The following DPYD variants were observed in gnomAD, a reference collection of about 807,000 sequenced individuals.
The protein encoded by DPYD is dihydropyrimidine dehydrogenase, also known as dihydropyrimidine dehydrogenase [NADP(+)].
In DPYD, 109 loss-of-function variants were observed where a neutral mutation model predicts 116.2. That is an observed-to-expected ratio of 0.94 (90% CI 0.80 to 1.10). The LOEUF (loss-of-function observed/expected upper bound fraction) is 1.10. Ranked by LOEUF, DPYD falls within the 50% of genes least tolerant of loss-of-function variation. The pLI is 0.00. For synonymous variants in DPYD, 440 were observed against 432.0 expected (o/e 1.02, Z -0.23); for missense variants, 1,302 against 1,254.5 (o/e 1.04, Z -0.57).
chr1:97,919,208 T>G (rs540963314), intron 1 of DPYD, among the ~76,000 whole-genome samples: 1 of 152,364 alleles, frequency 6.6e-6, no homozygotes, highest in South Asian at 2.1e-4. Context: ...ATTAAAGTGT[T>G]GCACATATGA....
rs756140690 is a variant in DPYD at position 97,920,873 on chromosome 1, GA to G, written c.39+10del. On this transcript the variant is annotated intron_variant, in intron 1 of 22. Transcript: ENST00000370192. ...CCCGCCACCACCGACGAGCCGGCGC[GA>G]AGTCCGTACCTCGATGTCCGCCGAG... 3.1e-6 allele frequency: 5 copies of G among 1,590,928 alleles called. No homozygotes were observed. In the Admixed American group the frequency reaches 8.6e-5, roughly 28 times the overall value.
At chr1:97,737,951 G>C (rs1664054476) in intron 4 of DPYD, among the ~76,000 whole-genome samples, 2 of 151,998 alleles carry the variant, frequency 1.3e-5, no homozygotes, top group Non-Finnish European at 2.9e-5. Flanking sequence ...AATTTAGTCA[G>C]CTTTTCTGTA....
At position 97,573,799 on chromosome 1, in the gene DPYD, C is replaced by G. The variant is rs748620513; in HGVS notation, c.1300G>C (p.Val434Leu). ...DQMVHLKADV[V>L]ISAFGSVLSD... is the part of the protein sequence containing the mutation. ...AGAACTGAACCAAAGGCACTGATGA[C>G]CACATCGGCTTTCAGATGGACCATC... Residue 434 changes from valine (V) to leucine (L), a missense_variant, in exon 11 of 23, where the codon GTC becomes CTC. Val to Leu is a conservative substitution (Grantham distance 32). Coordinates refer to ENST00000370192, the MANE Select transcript of DPYD (RefSeq NM_000110.4). 5.6e-6 allele frequency: 9 copies of G among 1,613,622 alleles called. No individual in the cohort carries two copies. The East Asian group carries it at 2.0e-4, about 36-fold the overall frequency.
At chr1:97,110,787 A>G (rs1220128041) in intron 20 of DPYD, among the ~76,000 whole-genome samples, 1 of 152,090 alleles carries the variant, frequency 6.6e-6, no homozygotes, top group African/African-American at 2.4e-5. Context: ...TTTATTGTGC[A>G]AATCCTGTGG....
intron 18 of DPYD, among the ~76,000 whole-genome samples, chr1:97,296,616 A>C (rs1666546826): frequency 6.6e-6 from 1 of 152,158 alleles, no homozygotes; most frequent in Non-Finnish European, 1.5e-5. Context: ...TATAAATTAT[A>C]AATTCTAACA....
intron 4 of DPYD, among the ~76,000 whole-genome samples, chr1:97,726,231 A>T (rs965017529): frequency 6.6e-6 from 1 of 151,594 alleles, no homozygotes; most frequent in South Asian, 2.1e-4. Flanking sequence ...TAAATACAGA[A>T]GTGAGCCAAT....
intron 3 of DPYD, among the ~76,000 whole-genome samples, chr1:97,769,977 T>C (rs1159082290): frequency 6.6e-6 from 1 of 152,094 alleles, no homozygotes; most frequent in African/African-American, 2.4e-5. Flanking sequence ...TTAGATTAGG[T>C]AGTGAGGCTT....
chr1:97,769,930 A>G (rs2101156163), intron 3 of DPYD, among the ~76,000 whole-genome samples: 2 of 152,322 alleles, frequency 1.3e-5, no homozygotes, highest in South Asian at 4.1e-4. Flanking sequence ...GAAATAAACA[A>G]AAAACTTGGA....
chr1:97,385,280 CAAAAAAAAAAAAAAAAA>C (rs567156406), intron 14 of DPYD, among the ~76,000 whole-genome samples: 575 of 48,822 alleles, frequency 0.012, 2 homozygotes, highest in African/African-American at 0.047. Context: ...GCATTCCTTG[CAAAAAAAAAAAAAAAAA>C]AAAAAAAAAA....
chr1:97,277,793 G>T (rs187936482), intron 18 of DPYD, among the ~76,000 whole-genome samples: 1 of 152,192 alleles, frequency 6.6e-6, no homozygotes, highest in Non-Finnish European at 1.5e-5. Context: ...CAGCCATGGT[G>T]CCCATTTATT....
At chr1:97,091,430 T>C (rs1318526305) in intron 21 of DPYD, among the ~76,000 whole-genome samples, 1 of 152,092 alleles carries the variant, frequency 6.6e-6, no homozygotes, top group Non-Finnish European at 1.5e-5. Context: ...GAAGTAATCA[T>C]GTAGCAGCAA....
At chr1:97,262,526 A>G (rs924098098) in intron 18 of DPYD, among the ~76,000 whole-genome samples, 1 of 152,138 alleles carries the variant, frequency 6.6e-6, no homozygotes, top group Non-Finnish European at 1.5e-5. Context: ...CTTGAAGACA[A>G]TTAATTTTAA....
chr1:97,212,752 C>T (rs1422061372), intron 19 of DPYD, among the ~76,000 whole-genome samples: 1 of 152,102 alleles, frequency 6.6e-6, no homozygotes, highest in Non-Finnish European at 1.5e-5. Context: ...TCTTTTGATA[C>T]TAGCCATTTT....
chr1:97,724,294 GGGGGGGGGGGGGGGTGTGTGTGTGTGTGT>G (rs1663086386), intron 4 of DPYD, among the ~76,000 whole-genome samples: 1 of 14,986 alleles, frequency 6.7e-5, no homozygotes, highest in Non-Finnish European at 1.4e-4. Flanking sequence ...GGATGTATGT[GGGGGGGGGGGGGGGTGTGTGTGTGTGTGT>G]GTGTGTGTGT....
chr1:97,137,594 C>G, intron 20 of DPYD, among the ~76,000 whole-genome samples: 1 of 152,154 alleles, frequency 6.6e-6, no homozygotes, highest in East Asian at 1.9e-4. Flanking sequence ...GGCTCTGTAT[C>G]TCCATCAGTT....
intron 22 of DPYD, among the ~76,000 whole-genome samples, chr1:97,081,688 T>C (rs1039040610): frequency 6.7e-6 from 1 of 150,148 alleles, no homozygotes; most frequent in South Asian, 2.1e-4. Context: ...CAATTTTTCT[T>C]TCTTTTTCTT....
chr1:97,901,831 A>G (rs1373815229), intron 1 of DPYD, among the ~76,000 whole-genome samples: 2 of 151,948 alleles, frequency 1.3e-5, no homozygotes, highest in East Asian at 1.9e-4. Flanking sequence ...TTTTTCTTTA[A>G]TTGTAAAAAA....
chr1:97,809,382 T>C (rs1382817043), intron 3 of DPYD, among the ~76,000 whole-genome samples: 2 of 152,178 alleles, frequency 1.3e-5, no homozygotes, highest in Non-Finnish European at 2.9e-5. Context: ...GGGATTCTGT[T>C]AACCACCCTC....
chr1:97,642,999 G>C (rs895655882), intron 8 of DPYD, among the ~76,000 whole-genome samples: 1 of 151,706 alleles, frequency 6.6e-6, no homozygotes, highest in African/African-American at 2.4e-5. Flanking sequence ...GAAAACCTAG[G>C]CAATACCATT....
Sources: gnomAD v4.1 joint callset for allele counts (sites outside exome capture counted in the v4.1 genomes callset) on GRCh38, gnomAD v4.1.1 for gene constraint, MANE v1.5 for transcripts, NCBI Gene and HGNC (gene_info 2026-07-23, HGNC 2026-07-21) for gene names.